The following RGPD4 variants were observed in gnomAD, a reference collection of about 807,000 sequenced individuals.
RGPD4 encodes ranBP2-like and GRIP domain-containing protein 4.
Under a neutral mutation model 141.1 loss-of-function variants are expected in RGPD4, and 84 were observed. That is an observed-to-expected ratio of 0.60 (90% confidence interval 0.50 to 0.71). The LOEUF (loss-of-function observed/expected upper bound fraction) is 0.71, where lower values mean the gene tolerates loss of function less well. Among genes scored for constraint, RGPD4 ranks in the 30% least tolerant of loss-of-function variants. The pLI is 0.00. For missense variants in RGPD4, 918 were observed against 1,622.4 expected (o/e 0.57, Z 7.46); for synonymous variants, 298 against 566.8 (o/e 0.53, Z 6.74).
intron 17 of RGPD4, among the ~76,000 whole-genome samples, chr2:107,865,755 T>C (rs1451625446): frequency 2.0e-4 from 30 of 149,168 alleles, no homozygotes; most frequent in African/African-American, 6.8e-4. Context: ...CTAGAACTCA[T>C]TGGCAAATAG....
chr2:107,871,828 G>A lies in RGPD4; in HGVS notation c.3824G>A (p.Ser1275Asn), dbSNP rs370037769. The A allele has an allele frequency of 2.0e-4, 320 of 1,611,480 alleles. No homozygotes were observed. The highest frequency in any genetic ancestry group is 2.6e-4 in the Non-Finnish European group (312 of 1,179,868). Reference protein sequence around the residue: ...SSSVHASPLASSPVRKNLFHF... With the variant: ...SSSVHASPLANSPVRKNLFHF... The stretch of plus-strand genomic sequence containing the variant: ...TCAGTACATGCTTCTCCATTGGCAA[G>A]TAGCCCTGTGAGAAAAAATCTTTTC... Residue 1275 changes from serine (S) to asparagine (N), a missense_variant, in exon 20 of 23, where the codon AGT becomes AAT. By Grantham distance (46) the Ser-to-Asn change is conservative. Transcript: ENST00000408999.
chr2:107,846,296 G>C lies in RGPD4; in HGVS notation c.783-2045G>C, dbSNP rs191221610. On this transcript the variant is annotated intron_variant, in intron 6 of 22. Transcript: ENST00000408999. ...AAGTACTGGAAGGTCTCAATCTCTTGACATCGTGATCCGCCTGCCTTGGCC... is the reference window on the plus strand; with the variant it reads ...AAGTACTGGAAGGTCTCAATCTCTTCACATCGTGATCCGCCTGCCTTGGCC... Among the ~76,000 whole-genome samples the C allele has an allele frequency of 2.7e-3, 416 of 151,578 alleles. 2 individuals are homozygous for C. Among genetic ancestry groups the C allele is most frequent in the African/African-American group, 9.2e-3 (380 of 41,172 alleles).
intron 1 of RGPD4, among the ~76,000 whole-genome samples, chr2:107,834,229 A>ATT (rs1003587588): frequency 2.7e-5 from 4 of 149,254 alleles, no homozygotes; most frequent in African/African-American, 1.0e-4. Flanking sequence ...ATTCCCAGGC[A>ATT]TTTTTTTCAT....
chr2:107,858,449 T>A (rs1463957785), intron 9 of RGPD4, among the ~76,000 whole-genome samples: 12 of 151,278 alleles, frequency 7.9e-5, no homozygotes, highest in African/African-American at 2.9e-4. Flanking sequence ...TTTTCTTTTC[T>A]TTTTTTTGAG....
At chr2:107,882,014 C>A (rs1466141705) in intron 21 of RGPD4, among the ~76,000 whole-genome samples, 2 of 151,950 alleles carry the variant, frequency 1.3e-5, no homozygotes, top group African/African-American at 4.9e-5. Flanking sequence ...AGCCCCATGC[C>A]ATACTGGCTT....
chr2:107,871,344 A>G lies in RGPD4; in HGVS notation c.3340A>G (p.Ile1114Val). ...ACTAAAAGTGTGTGCTAATCATTGGATAACGACTACAATGAACCTGAAGCC... is the reference window on the plus strand; with the variant it reads ...ACTAAAAGTGTGTGCTAATCATTGGGTAACGACTACAATGAACCTGAAGCC... ...QVLKVCANHW[I>V]TTTMNLKPLS... Residue 1114 changes from isoleucine (I) to valine (V), a missense_variant, in exon 20 of 23, where the codon ATA (isoleucine) becomes GTA (valine). By Grantham distance (29) the Ile-to-Val change is conservative. Transcript: ENST00000408999. The G allele has an allele frequency of 6.3e-7, 1 of 1,592,524 alleles. No homozygotes were observed. The highest frequency in any genetic ancestry group is 8.5e-7 in the Non-Finnish European group (1 of 1,175,344).
chr2:107,871,120 A>C lies in RGPD4; in HGVS notation c.3116A>C (p.Glu1039Ala). 6.2e-7 allele frequency: 1 copy of C among 1,611,046 alleles called. No individual in the cohort carries two copies. Residue 1039 changes from glutamate to alanine, a missense_variant, in exon 20 of 23, where the codon GAA becomes GCA. Glu to Ala is a moderately radical substitution (Grantham distance 107, BLOSUM62 -1). Transcript: ENST00000408999. ...GAGGACAGCGATGACATCCATTTTGAACCAGTAGTTCAAATGCCTGAAAAA... is the reference window on the plus strand; with the variant it reads ...GAGGACAGCGATGACATCCATTTTGCACCAGTAGTTCAAATGCCTGAAAAA... ...KTEDSDDIHF[E>A]PVVQMPEKVE...
chr2:107,883,739 T>A (rs2104519038), intron 22 of RGPD4, among the ~76,000 whole-genome samples: 1 of 151,454 alleles, frequency 6.6e-6, no homozygotes, highest in East Asian at 1.9e-4. Context: ...CATATACAAC[T>A]GCTATAGTTA....
intron 20 of RGPD4, among the ~76,000 whole-genome samples, chr2:107,876,341 G>C (rs894344073): frequency 7.3e-5 from 11 of 149,864 alleles, no homozygotes; most frequent in Non-Finnish European, 1.0e-4. Context: ...CACCCGCCTC[G>C]GCCTCCCAAA....
At chr2:107,829,715 G>A (rs912444052) in intron 1 of RGPD4, among the ~76,000 whole-genome samples, 5 of 152,114 alleles carry the variant, frequency 3.3e-5, no homozygotes, top group South Asian at 2.1e-4. Flanking sequence ...GACCTTTGGC[G>A]CCGGCGCTTC....
At chr2:107,852,439 CAT>C (rs1297352980) in intron 7 of RGPD4, among the ~76,000 whole-genome samples, 3 of 140,594 alleles carry the variant, frequency 2.1e-5, no homozygotes, top group Non-Finnish European at 4.6e-5. Context: ...CTCTTTTCAA[CAT>C]ATAGATGACA....
At chr2:107,880,913 C>G (rs1675344454) in intron 21 of RGPD4, among the ~76,000 whole-genome samples, 1 of 151,594 alleles carries the variant, frequency 6.6e-6, no homozygotes, top group South Asian at 2.1e-4. Context: ...ATAAATCACC[C>G]CTCAGAATAT....
intron 6 of RGPD4, among the ~76,000 whole-genome samples, chr2:107,846,301 C>T (rs565844650): frequency 5.9e-5 from 9 of 151,368 alleles, no homozygotes; most frequent in Admixed American, 1.3e-4. Context: ...CTCTTGACAT[C>T]GTGATCCGCC....
chr2:107,877,761 A>T (rs1683130090), intron 20 of RGPD4, among the ~76,000 whole-genome samples: 1 of 151,742 alleles, frequency 6.6e-6, no homozygotes, highest in Non-Finnish European at 1.5e-5. Context: ...ATTAATTTAT[A>T]GCTGCTATTA....
At chr2:107,877,063 T>C (rs1683110693) in intron 20 of RGPD4, among the ~76,000 whole-genome samples, 1 of 151,778 alleles carries the variant, frequency 6.6e-6, no homozygotes, top group Non-Finnish European at 1.5e-5. Flanking sequence ...CCAATACATG[T>C]CAAAGGGCCT....
At chr2:107,880,214 A>G (rs1416067324) in intron 21 of RGPD4, 107 bp downstream of exon 21, 7 of 1,443,540 alleles carry the variant, frequency 4.8e-6, no homozygotes, top group Non-Finnish European at 6.7e-6. Context: ...TGCATCTATA[A>G]CGTCTTGATC....
intron 22 of RGPD4, among the ~76,000 whole-genome samples, chr2:107,884,408 G>GT (rs1372849953): frequency 2.0e-5 from 3 of 151,772 alleles, no homozygotes; most frequent in South Asian, 2.1e-4. Flanking sequence ...CCATTTTGTT[G>GT]TTTTTTTATC....
At chr2:107,876,511 T>C (rs1440551263) in intron 20 of RGPD4, among the ~76,000 whole-genome samples, 3,756 of 142,440 alleles carry the variant, frequency 0.026, 121 homozygotes, top group Non-Finnish European at 0.034. Flanking sequence ...AACACTCAAG[T>C]GGCACTGAAT....
At position 107,871,178 on chromosome 2, in the gene RGPD4, A is replaced by G. The variant is rs1682898980; in HGVS notation, c.3174A>G (p.Lys1058=). Reference sequence around the variant, plus strand: ...TTGTAATAGGAGAAGAAGGTGAAAAAGTTCTGTATTCACAGGGGGTAAAAC... The same window carrying G: ...TTGTAATAGGAGAAGAAGGTGAAAAGGTTCTGTATTCACAGGGGGTAAAAC... ...VELVIGEEGE[K]VLYSQGVKLF... The change falls in exon 20 of 23, where the codon AAA becomes AAG. Residue 1058 remains lysine (K), a synonymous_variant. Transcript: ENST00000408999. 6.2e-7 allele frequency: 1 copy of G among 1,610,346 alleles called. No individual in the cohort carries two copies. The highest frequency in any genetic ancestry group is 1.4e-5 in the African/African-American group (1 of 73,778).
Sources: gnomAD v4.1 joint callset for allele counts (sites outside exome capture counted in the v4.1 genomes callset) on GRCh38, gnomAD v4.1.1 for gene constraint, MANE v1.5 for transcripts, NCBI Gene and HGNC (gene_info 2026-07-23, HGNC 2026-07-21) for gene names.